The following KANSL1L variants were observed in gnomAD, a reference collection of about 807,000 sequenced individuals.
KANSL1L encodes the protein KAT8 regulatory NSL complex subunit 1-like protein.
A neutral mutation model predicts 108.6 loss-of-function variants in KANSL1L; 25 were observed. The ratio of observed to expected loss-of-function variants is 0.23; its 90% CI spans 0.17 to 0.32. The LOEUF (loss-of-function observed/expected upper bound fraction) is 0.32, where lower values mean the gene tolerates loss of function less well. Among genes scored for constraint, KANSL1L ranks in the 10% least tolerant of loss-of-function variants. KANSL1L has a pLI of 1.00. For synonymous variants in KANSL1L, 405 were observed against 395.1 expected, an observed-to-expected ratio of 1.03 and a Z score of -0.30; for missense variants, 1,137 against 1,125.7, an observed-to-expected ratio of 1.01 and a Z score of -0.14.
rs2093879121 is a variant in KANSL1L at position 210,022,834 on chromosome 2, A to C, written c.*115T>G. On this transcript the variant is annotated 3_prime_UTR_variant, in exon 15 of 15. Transcript: ENST00000281772. The stretch of plus-strand genomic sequence containing the variant: ...CTTGCCTGTTTCATAAACAGCATAA[A>C]AGATTAATACATGCAGAACATGCTC... 1.4e-6 allele frequency: 1 copy of C among 730,158 alleles called. No individual in the cohort carries two copies. The highest frequency in any genetic ancestry group is 2.7e-5 in the East Asian group (1 of 37,258). The allele number at this position is 730,158 out of a possible 1,614,324, so 45.2% of individuals were successfully genotyped here.
intron 2 of KANSL1L, among the ~76,000 whole-genome samples, chr2:210,149,389 T>A (rs956055397): frequency 6.6e-6 from 1 of 152,268 alleles, no homozygotes; most frequent in Admixed American, 6.5e-5. Flanking sequence ...TCTGGACTTA[T>A]AATTTAAGGT....
At chr2:210,049,430 T>C (rs937061304) in intron 6 of KANSL1L, among the ~76,000 whole-genome samples, 1 of 152,010 alleles carries the variant, frequency 6.6e-6, no homozygotes, top group Non-Finnish European at 1.5e-5. Flanking sequence ...GGTTTTTCTA[T>C]GGTAATGTTC....
intron 8 of KANSL1L, among the ~76,000 whole-genome samples, chr2:210,038,251 C>G (rs2125169823): frequency 6.6e-6 from 1 of 152,070 alleles, no homozygotes; most frequent in South Asian, 2.1e-4. Flanking sequence ...ATAGTTGGGT[C>G]AGAATGCAGG....
intron 6 of KANSL1L, chr2:210,064,159 T>C (rs1301408492): frequency 6.6e-6 from 1 of 152,210 alleles, no homozygotes; most frequent in Admixed American, 6.5e-5. Context: ...CATGACTTGC[T>C]CCTCCTTGCC....
chr2:210,148,552 T>A (rs1242345304), intron 2 of KANSL1L, among the ~76,000 whole-genome samples: 1 of 152,152 alleles, frequency 6.6e-6, no homozygotes, highest in Non-Finnish European at 1.5e-5. Flanking sequence ...ACAAAAAACA[T>A]AAAGTCCCTC....
At chr2:210,139,883 AG>A (rs34670679) in intron 2 of KANSL1L, among the ~76,000 whole-genome samples, 50,578 of 151,546 alleles carry the variant, frequency 0.33, 8,559 homozygotes, top group East Asian at 0.51. Flanking sequence ...CTGGAACTGC[AG>A]GTGCACACCA....
At chr2:210,137,154 T>C (rs2095181145) in intron 2 of KANSL1L, among the ~76,000 whole-genome samples, 1 of 152,176 alleles carries the variant, frequency 6.6e-6, no homozygotes, top group African/African-American at 2.4e-5. Context: ...AAATTAAAAA[T>C]ATCTTCTAGA....
chr2:210,141,294 C>T lies in KANSL1L; in HGVS notation c.1089-12122G>A, dbSNP rs532484326. On this transcript the variant is annotated intron_variant, in intron 2 of 14. Transcript: ENST00000281772. ...TCCAGTATATGTTGAATAGATTGGT[C>T]AGAGTAGGTGGTATCATCTGAACAC... 1.3e-4 allele frequency among the ~76,000 whole-genome samples: 20 copies of T among 151,754 alleles called. No homozygotes were observed. The South Asian group carries it at 3.1e-3, about 24-fold the overall frequency.
At chr2:210,034,934 T>A (rs183142596) in intron 8 of KANSL1L, among the ~76,000 whole-genome samples, 19 of 152,328 alleles carry the variant, frequency 1.2e-4, no homozygotes, top group African/African-American at 4.1e-4. Context: ...TAACATCGTA[T>A]CACATTTGCT....
At chr2:210,157,902 C>CA (rs77438218) in intron 1 of KANSL1L, among the ~76,000 whole-genome samples, 70,836 of 147,594 alleles carry the variant, frequency 0.48, 19,096 homozygotes, top group Middle Eastern at 0.62. Flanking sequence ...AAGACCCTGT[C>CA]AAAAAAAAAG....
intron 7 of KANSL1L, among the ~76,000 whole-genome samples, chr2:210,042,643 T>C (rs1422247934): frequency 6.6e-6 from 1 of 152,132 alleles, no homozygotes; most frequent in East Asian, 1.9e-4. Flanking sequence ...CATGGAGTTG[T>C]GGGAATTAAA....
chr2:210,084,935 T>G (rs983115443), intron 5 of KANSL1L, among the ~76,000 whole-genome samples: 1 of 152,274 alleles, frequency 6.6e-6, no homozygotes, highest in Non-Finnish European at 1.5e-5. Context: ...TATTAGGATG[T>G]CTAATACATT....
At chr2:210,145,690 A>T (rs2095260428) in intron 2 of KANSL1L, among the ~76,000 whole-genome samples, 1 of 148,964 alleles carries the variant, frequency 6.7e-6, no homozygotes, top group South Asian at 2.1e-4. Flanking sequence ...TATATTGTGA[A>T]GATGTCAGAT....
intron 5 of KANSL1L, among the ~76,000 whole-genome samples, chr2:210,085,040 A>G (rs978506187): frequency 3.3e-5 from 5 of 152,204 alleles, no homozygotes; most frequent in African/African-American, 1.2e-4. Flanking sequence ...AATTAATCAT[A>G]AAAAGATAAT....
At chr2:210,138,132 A>G (rs2095191591) in intron 2 of KANSL1L, among the ~76,000 whole-genome samples, 1 of 152,232 alleles carries the variant, frequency 6.6e-6, no homozygotes, top group Non-Finnish European at 1.5e-5. Context: ...TTACATCGAA[A>G]GTACAAATTT....
chr2:210,085,599 A>C (rs2094629826), intron 5 of KANSL1L, among the ~76,000 whole-genome samples: 1 of 152,126 alleles, frequency 6.6e-6, no homozygotes, highest in African/African-American at 2.4e-5. Context: ...ACTTGAATAA[A>C]AGCTGAAATA....
At chr2:210,041,856 C>G (rs544808017) in intron 7 of KANSL1L, among the ~76,000 whole-genome samples, 45 of 152,146 alleles carry the variant, frequency 3.0e-4, no homozygotes, top group Non-Finnish European at 5.4e-4. Context: ...TCATGAGTAT[C>G]ATCATGGAGT....
At chr2:210,091,382 A>G (rs950128316) in intron 5 of KANSL1L, among the ~76,000 whole-genome samples, 2 of 152,122 alleles carry the variant, frequency 1.3e-5, no homozygotes, top group African/African-American at 4.8e-5. Flanking sequence ...TATTTTCTTA[A>G]CCTTTTAAAA....
chr2:210,051,860 G>T (rs1158927425), intron 6 of KANSL1L, among the ~76,000 whole-genome samples: 1 of 152,002 alleles, frequency 6.6e-6, no homozygotes, highest in African/African-American at 2.4e-5. Context: ...AAGACATCAT[G>T]TCTTCTTTTT....
Sources: allele counts gnomAD v4.1 joint callset (sites outside exome capture counted in the v4.1 genomes callset), GRCh38; gene constraint gnomAD v4.1.1; transcripts MANE v1.5; gene names NCBI Gene and HGNC (gene_info 2026-07-23, HGNC 2026-07-21).